The following FAM193A variants were observed in gnomAD, a reference collection of about 807,000 sequenced individuals.
The protein encoded by FAM193A is family with sequence similarity 193 member A, also known as protein FAM193A.
In FAM193A, 22 loss-of-function variants were observed where a neutral mutation model predicts 126.5. The ratio of observed to expected loss-of-function variants is 0.17; its 90% CI spans 0.12 to 0.25. The LOEUF (loss-of-function observed/expected upper bound fraction) is 0.25. Ranked by LOEUF, FAM193A falls within the 10% of genes least tolerant of loss-of-function variation. FAM193A has a pLI of 1.00. For synonymous variants in FAM193A, 761 were observed against 646.8 expected, an observed-to-expected ratio of 1.18 and a Z score of -2.68; for missense variants, 1,675 against 1,672.8, an observed-to-expected ratio of 1.00 and a Z score of -0.02.
chr4:2,667,510 A>G (rs571734505), intron 12 of FAM193A, among the ~76,000 whole-genome samples: 94 of 152,256 alleles, frequency 6.2e-4, no homozygotes, highest in Non-Finnish European at 9.6e-4. Flanking sequence ...ATGTTATTGA[A>G]TTATTGTTAT....
intron 5 of FAM193A, among the ~76,000 whole-genome samples, chr4:2,635,053 C>G (rs539627946): frequency 5.3e-5 from 8 of 152,296 alleles, no homozygotes; most frequent in African/African-American, 1.9e-4. Context: ...CAATAAGTGT[C>G]TCTAAAAATA....
chr4:2,610,664 A>G (rs1227177881), intron 2 of FAM193A, among the ~76,000 whole-genome samples: 1 of 152,142 alleles, frequency 6.6e-6, no homozygotes, highest in East Asian at 1.9e-4. Context: ...TTGTTTATCC[A>G]TTCATCAATA....
chr4:2,615,733 G>A (rs191946797), intron 2 of FAM193A, among the ~76,000 whole-genome samples: 2 of 152,262 alleles, frequency 1.3e-5, no homozygotes, highest in Non-Finnish European at 2.9e-5. Flanking sequence ...TGGCCAGGAT[G>A]GTCTTGATCT....
intron 19 of FAM193A, among the ~76,000 whole-genome samples, chr4:2,703,156 C>T (rs768582605): frequency 2.6e-4 from 40 of 152,160 alleles, no homozygotes; most frequent in Non-Finnish European, 4.8e-4. Flanking sequence ...CTTTCTGCAG[C>T]GACACGGTAC....
chr4:2,694,628 T>C (rs1716825599), intron 16 of FAM193A, among the ~76,000 whole-genome samples: 1 of 152,104 alleles, frequency 6.6e-6, no homozygotes, highest in Non-Finnish European at 1.5e-5. Context: ...GCTATACCCC[T>C]TTTCGAAGCC....
rs767287605 is a variant in FAM193A, at chr4:2,705,733, G to A, written c.4372+5189G>A. Among the ~76,000 whole-genome samples the A allele has an allele frequency of 4.7e-5, 7 of 150,446 alleles. No individual in the cohort carries two copies. The South Asian group carries it at 6.4e-4, about 14-fold the overall frequency. ...GCCTCCTGAGTAGCTGGGACTACAG[G>A]CACGTGCCACCATGCTGGCTAATTT... On this transcript the variant is annotated intron_variant, in intron 19 of 20. Coordinates refer to ENST00000637812, the MANE Select transcript of FAM193A (RefSeq NM_001366318.2).
chr4:2,637,437 G>T (rs1043481026), intron 5 of FAM193A, among the ~76,000 whole-genome samples: 3 of 152,218 alleles, frequency 2.0e-5, no homozygotes, highest in African/African-American at 4.8e-5. Flanking sequence ...ACCTCACCAG[G>T]CTATAATAGT....
At chr4:2,542,577 G>A (rs1737298402) in intron 1 of FAM193A, among the ~76,000 whole-genome samples, 1 of 152,236 alleles carries the variant, frequency 6.6e-6, no homozygotes, top group Non-Finnish European at 1.5e-5. Flanking sequence ...AAGTCTTAAT[G>A]TAATTCTGAA....
chr4:2,598,680 A>T (rs930804808), intron 2 of FAM193A, among the ~76,000 whole-genome samples: 1 of 152,192 alleles, frequency 6.6e-6, no homozygotes, highest in Non-Finnish European at 1.5e-5. Context: ...TGTTTGGTCA[A>T]ATGCCAGACA....
intron 5 of FAM193A, among the ~76,000 whole-genome samples, chr4:2,633,682 A>G (rs894615546): frequency 6.6e-6 from 1 of 151,994 alleles, no homozygotes; most frequent in African/African-American, 2.4e-5. Context: ...ACCTGAGGTC[A>G]GGAGTTAGAG....
chr4:2,582,127 G>T (rs1739978135), intron 1 of FAM193A, among the ~76,000 whole-genome samples: 1 of 151,932 alleles, frequency 6.6e-6, no homozygotes, highest in African/African-American at 2.4e-5. Flanking sequence ...TTTATCACTA[G>T]CTGCTTTCAG....
At chr4:2,696,654 C>A in intron 18 of FAM193A, 61 bp downstream of exon 18, 1 of 1,311,108 alleles carries the variant, frequency 7.6e-7, no homozygotes. Context: ...AGGTGCCGTG[C>A]CACGCCAGTC....
intron 19 of FAM193A, among the ~76,000 whole-genome samples, chr4:2,702,792 T>C (rs1261914866): frequency 1.3e-5 from 2 of 152,194 alleles, no homozygotes; most frequent in Non-Finnish European, 2.9e-5. Flanking sequence ...GGGCATGCTT[T>C]CGGTATTTGT....
At chr4:2,628,731 C>T (rs1204934527) in intron 4 of FAM193A, among the ~76,000 whole-genome samples, 2 of 152,200 alleles carry the variant, frequency 1.3e-5, no homozygotes, top group Non-Finnish European at 2.9e-5. Flanking sequence ...AGCTTATTAA[C>T]ATTGCAACTT....
chr4:2,696,733 G>C (rs1717082803), intron 18 of FAM193A, 140 bp downstream of exon 18: 3 of 636,544 alleles, frequency 4.7e-6, no homozygotes. Context: ...ACTTTGTTCT[G>C]AGAGCCAGCC....
At chr4:2,719,235 A>C (rs1051190636) in intron 20 of FAM193A, among the ~76,000 whole-genome samples, 2 of 152,148 alleles carry the variant, frequency 1.3e-5, no homozygotes, top group Admixed American at 1.3e-4. Context: ...GCTTGAACCC[A>C]GGAGGCAGAG....
At chr4:2,624,835 C>T (rs1742796178) in intron 2 of FAM193A, among the ~76,000 whole-genome samples, 1 of 152,196 alleles carries the variant, frequency 6.6e-6, no homozygotes. Context: ...AACCGCCATG[C>T]CCAGCCGAAT....
Position 2,659,952 on chromosome 4 carries a change from C to T in FAM193A, c.1643C>T (p.Pro548Leu), listed in dbSNP as rs1459291802. Residue 548 changes from proline (P) to leucine (L), a missense_variant, in exon 10 of 21, where the codon CCC becomes CTC. Transcript: ENST00000637812. ...APDYLAERSP[P>L]SVSSASSGSG... ...GACTATCTTGCTGAGAGGAGCCCGCCCAGTGTGTCATCTGCAAGCTCGGGG... is the reference window on the plus strand; with the variant it reads ...GACTATCTTGCTGAGAGGAGCCCGCTCAGTGTGTCATCTGCAAGCTCGGGG... 23 of 1,614,150 alleles carry T rather than the reference C, an allele frequency of 1.4e-5. No individual in the cohort carries two copies. The highest frequency in any genetic ancestry group is 1.9e-5 in the Non-Finnish European group (23 of 1,180,036).
intron 1 of FAM193A, among the ~76,000 whole-genome samples, chr4:2,578,227 C>G (rs1346727619): frequency 6.6e-6 from 1 of 152,150 alleles, no homozygotes; most frequent in Admixed American, 6.5e-5. Context: ...CCACCCTGCC[C>G]ATTCCTAATA....
Sources: allele counts gnomAD v4.1 joint callset (sites outside exome capture counted in the v4.1 genomes callset), GRCh38; gene constraint gnomAD v4.1.1; transcripts MANE v1.5; gene names NCBI Gene and HGNC (gene_info 2026-07-23, HGNC 2026-07-21).